ABCD3: variants seen among roughly 807,000 people sequenced by gnomAD.
ABCD3 encodes ATP binding cassette subfamily D member 3, also known as ATP-binding cassette sub-family D member 3.
A neutral mutation model predicts 105.5 loss-of-function variants in ABCD3; 41 were observed. The observed-to-expected ratio is 0.39, with a 90% CI of 0.30 to 0.50. The LOEUF is 0.50. ABCD3 is among the 20% of genes least tolerant of loss of function. The probability of loss-of-function intolerance (pLI) is 0.84; values close to 1 mark genes in which losing one functional copy is unlikely to be tolerated. For missense variants in ABCD3, 622 were observed against 806.3 expected (o/e 0.77, Z 2.77); for synonymous variants, 258 against 269.0 (o/e 0.96, Z 0.40).
chr1:94,394,241 A>G, the ABCD3 span, among the ~76,000 whole-genome samples: 7 of 152,198 alleles, frequency 4.6e-5, no homozygotes, highest in Admixed American at 3.9e-4. Flanking sequence ...TAATGTAACC[A>G]ATGTAATGGA....
chr1:94,457,986 T>C (rs992005938), intron 1 of ABCD3, among the ~76,000 whole-genome samples: 4 of 152,162 alleles, frequency 2.6e-5, no homozygotes, highest in Non-Finnish European at 4.4e-5. Context: ...TGTAGAAGCA[T>C]AGGGTGCCAT....
chr1:94,405,726 A>T, the ABCD3 span, among the ~76,000 whole-genome samples: 1 of 152,108 alleles, frequency 6.6e-6, no homozygotes, highest in Admixed American at 6.5e-5. Flanking sequence ...CAGCTTTTGT[A>T]TCTCTTTTTG....
chr1:94,385,417 A>T, the ABCD3 span, among the ~76,000 whole-genome samples: 1 of 152,112 alleles, frequency 6.6e-6, no homozygotes, highest in Non-Finnish European at 1.5e-5. Flanking sequence ...AAAAAGAGGG[A>T]GAGCAAAAGT....
intron 2 of ABCD3, among the ~76,000 whole-genome samples, chr1:94,461,203 T>G (rs1340880600): frequency 6.6e-6 from 1 of 152,130 alleles, no homozygotes; most frequent in Non-Finnish European, 1.5e-5. Context: ...CGTCAGAATT[T>G]TCTAATTTTT....
At chr1:94,385,254 C>A in the ABCD3 span, among the ~76,000 whole-genome samples, 1 of 152,074 alleles carries the variant, frequency 6.6e-6, no homozygotes, top group Non-Finnish European at 1.5e-5. Flanking sequence ...TGTTGGGGAA[C>A]AAATGAGGTT....
chr1:94,397,503 C>A, the ABCD3 span, among the ~76,000 whole-genome samples: 3 of 152,122 alleles, frequency 2.0e-5, no homozygotes, highest in African/African-American at 4.8e-5. Flanking sequence ...TGTGATGTTT[C>A]TTCATAATTA....
At chr1:94,511,282 T>G (rs1650657060) in intron 21 of ABCD3, among the ~76,000 whole-genome samples, 1 of 152,198 alleles carries the variant, frequency 6.6e-6, no homozygotes. Flanking sequence ...AAATTCTGGG[T>G]TGAAAATTCT....
chr1:94,423,548 T>G (rs1659350429), intron 1 of ABCD3, among the ~76,000 whole-genome samples: 1 of 152,242 alleles, frequency 6.6e-6, no homozygotes, highest in African/African-American at 2.4e-5. Context: ...CCTGTCTCTT[T>G]GGCGTCTGCC....
chr1:94,395,914 A>G, the ABCD3 span, among the ~76,000 whole-genome samples: 1 of 152,166 alleles, frequency 6.6e-6, no homozygotes, highest in Non-Finnish European at 1.5e-5. Context: ...ATACACACAC[A>G]CAGAGACAGA....
At chr1:94,452,008 C>G (rs1344782814) in intron 1 of ABCD3, among the ~76,000 whole-genome samples, 1 of 152,178 alleles carries the variant, frequency 6.6e-6, no homozygotes, top group Non-Finnish European at 1.5e-5. Context: ...TACCCACTGT[C>G]TTTGTTCAGG....
the ABCD3 span, among the ~76,000 whole-genome samples, chr1:94,401,173 C>T: frequency 6.6e-6 from 1 of 152,156 alleles, no homozygotes; most frequent in African/African-American, 2.4e-5. Context: ...TTATAAGCAG[C>T]CAAAAACGGA....
At chr1:94,437,344 T>A (rs1354678400) in intron 1 of ABCD3, among the ~76,000 whole-genome samples, 2 of 152,210 alleles carry the variant, frequency 1.3e-5, no homozygotes, top group African/African-American at 2.4e-5. Context: ...GCAAGCAATT[T>A]TAAGTTGAAG....
intron 2 of ABCD3, among the ~76,000 whole-genome samples, chr1:94,461,609 C>T (rs1647873109): frequency 6.6e-6 from 1 of 151,998 alleles, no homozygotes; most frequent in Admixed American, 6.6e-5. Context: ...ATGTTTAAAG[C>T]TGTAGACCTG....
Position 94,418,421 on chromosome 1 carries a change from A to AGCCGCCGCCGCCGCC in ABCD3, c.-49_-35dup, listed in dbSNP as rs527684035. ...TCCCCCGCGCTGCGTGCAGTAAGGT[A>AGCCGCCGCCGCCGCC]GCCGCCGCCGCCGCCGCCGCCGCGT... On this transcript the variant is annotated 5_prime_UTR_variant, in exon 1 of 23. Coordinates refer to ENST00000370214, the MANE Select transcript of ABCD3 (RefSeq NM_002858.4). The AGCCGCCGCCGCCGCC allele has an allele frequency of 1.4e-3, 2,037 of 1,405,426 alleles. 2 individuals carry two copies. Among genetic ancestry groups the AGCCGCCGCCGCCGCC allele is most frequent in the African/African-American group, 7.8e-3 (547 of 70,018 alleles). 87.1% of individuals were successfully genotyped at this position (1,405,426 alleles called of 1,614,324 possible).
chr1:94,456,608 A>G (rs1647583561), intron 1 of ABCD3, among the ~76,000 whole-genome samples: 3 of 149,690 alleles, frequency 2.0e-5, no homozygotes, highest in South Asian at 4.3e-4. Flanking sequence ...AATTTATTCC[A>G]TTGTATTTAT....
At chr1:94,447,889 G>A (rs903477445) in intron 1 of ABCD3, among the ~76,000 whole-genome samples, 3 of 152,160 alleles carry the variant, frequency 2.0e-5, no homozygotes, top group Non-Finnish European at 4.4e-5. Flanking sequence ...AATTGGATAC[G>A]ACCTGCTCTA....
chr1:94,399,384 T>C, the ABCD3 span, among the ~76,000 whole-genome samples: 1 of 152,248 alleles, frequency 6.6e-6, no homozygotes, highest in African/African-American at 2.4e-5. Flanking sequence ...TGTGTGAGTA[T>C]GTAAGGGCTT....
intron 1 of ABCD3, among the ~76,000 whole-genome samples, chr1:94,425,061 A>G (rs1317811095): frequency 1.3e-5 from 2 of 152,180 alleles, no homozygotes; most frequent in African/African-American, 4.8e-5. Flanking sequence ...TGTTGTCTTT[A>G]GTATATTTAT....
the ABCD3 span, among the ~76,000 whole-genome samples, chr1:94,389,094 T>C: frequency 6.6e-6 from 1 of 152,198 alleles, no homozygotes; most frequent in African/African-American, 2.4e-5. Flanking sequence ...CACTTCATCA[T>C]TAAAGTATCT....
Sources: gnomAD v4.1 joint callset for allele counts (sites outside exome capture counted in the v4.1 genomes callset) on GRCh38, gnomAD v4.1.1 for gene constraint, MANE v1.5 for transcripts, NCBI Gene and HGNC (gene_info 2026-07-23, HGNC 2026-07-21) for gene names.